Variants in FBXL17 observed in about 807,000 individuals in gnomAD.
FBXL17 encodes the protein F-box/LRR-repeat protein 17.
In FBXL17, 22 loss-of-function variants were observed where a neutral mutation model predicts 66.2. The ratio of observed to expected loss-of-function variants is 0.33; its 90% CI spans 0.24 to 0.47. The LOEUF (loss-of-function observed/expected upper bound fraction) is 0.47. Among genes scored for constraint, FBXL17 ranks in the 20% least tolerant of loss-of-function variants. The probability of loss-of-function intolerance (pLI) is 1.00; values close to 1 mark genes in which losing one functional copy is unlikely to be tolerated. For missense variants in FBXL17, 878 were observed against 948.2 expected (o/e 0.93, Z 0.97); for synonymous variants, 474 against 400.5 (o/e 1.18, Z -2.19).
At chr5:108,167,254 G>T (rs1043639878) in intron 6 of FBXL17, among the ~76,000 whole-genome samples, 2 of 152,204 alleles carry the variant, frequency 1.3e-5, no homozygotes, top group African/African-American at 2.4e-5. Context: ...TTTGATTTAA[G>T]ACCTTCACTG....
At chr5:108,245,598 A>G (rs1756058896) in intron 4 of FBXL17, among the ~76,000 whole-genome samples, 1 of 152,198 alleles carries the variant, frequency 6.6e-6, no homozygotes, top group African/African-American at 2.4e-5. Flanking sequence ...AAGGTTCTCC[A>G]ATAATGGGAA....
intron 5 of FBXL17, among the ~76,000 whole-genome samples, chr5:108,211,004 T>G (rs1273590859): frequency 1.3e-5 from 2 of 152,198 alleles, no homozygotes; most frequent in Non-Finnish European, 2.9e-5. Flanking sequence ...CTGTATTGGG[T>G]GCATATATAT....
chr5:107,929,384 C>T (rs1012811632), intron 7 of FBXL17, among the ~76,000 whole-genome samples: 13 of 152,210 alleles, frequency 8.5e-5, no homozygotes, highest in Middle Eastern at 3.4e-3. Flanking sequence ...GATAAATTAA[C>T]CTAAATGCTC....
intron 8 of FBXL17, chr5:107,879,699 G>A (rs1027280069): frequency 5.5e-5 from 54 of 985,328 alleles, no homozygotes; most frequent in South Asian, 4.2e-4. Context: ...TTTGAATGGC[G>A]TGTCTATTTA....
intron 7 of FBXL17, among the ~76,000 whole-genome samples, chr5:107,908,594 G>A (rs1749839832): frequency 6.6e-6 from 1 of 152,160 alleles, no homozygotes; most frequent in South Asian, 2.1e-4. Context: ...TTTATAGGTA[G>A]GGATAATCTC....
intron 6 of FBXL17, among the ~76,000 whole-genome samples, chr5:108,120,510 C>A (rs1284997628): frequency 6.6e-6 from 1 of 152,062 alleles, no homozygotes; most frequent in Non-Finnish European, 1.5e-5. Context: ...TTAATTGATA[C>A]AATTATGAGT....
At chr5:108,009,530 A>G (rs551282959) in intron 7 of FBXL17, among the ~76,000 whole-genome samples, 22 of 151,684 alleles carry the variant, frequency 1.5e-4, no homozygotes, top group Middle Eastern at 3.4e-3. Flanking sequence ...TGGATCAGCC[A>G]TGTCGACTCA....
intron 6 of FBXL17, among the ~76,000 whole-genome samples, chr5:108,028,662 C>T (rs288159): frequency 0.35 from 52,703 of 151,882 alleles, 9,426 homozygotes; most frequent in East Asian, 0.54. Context: ...ATGTTCAACA[C>T]AGACCTCCCA....
chr5:108,209,230 C>G (rs1754260621), intron 5 of FBXL17, among the ~76,000 whole-genome samples: 1 of 152,160 alleles, frequency 6.6e-6, no homozygotes, highest in African/African-American at 2.4e-5. Context: ...ATGGGGTTTT[C>G]TAAATACATA....
intron 4 of FBXL17, among the ~76,000 whole-genome samples, chr5:108,320,884 T>C (rs2150217972): frequency 6.6e-6 from 1 of 151,920 alleles, no homozygotes; most frequent in South Asian, 2.1e-4. Flanking sequence ...TGATTTTAAT[T>C]GGAAAAATCA....
chr5:108,032,041 G>T (rs1012330059), intron 6 of FBXL17, among the ~76,000 whole-genome samples: 3 of 151,936 alleles, frequency 2.0e-5, no homozygotes, highest in African/African-American at 7.3e-5. Context: ...TTAATTATTT[G>T]GATACAAAGA....
At chr5:108,288,984 A>T (rs1262827523) in intron 4 of FBXL17, among the ~76,000 whole-genome samples, 1 of 152,142 alleles carries the variant, frequency 6.6e-6, no homozygotes, top group East Asian at 1.9e-4. Flanking sequence ...AATGTTCACT[A>T]TTGATGCCAT....
At chr5:108,326,255 G>A in intron 4 of FBXL17, among the ~76,000 whole-genome samples, 1 of 151,820 alleles carries the variant, frequency 6.6e-6, no homozygotes, top group East Asian at 1.9e-4. Flanking sequence ...CAAAAATATA[G>A]AACTCTTATA....
At chr5:108,344,713 G>A (rs1747137915) in intron 4 of FBXL17, among the ~76,000 whole-genome samples, 1 of 152,176 alleles carries the variant, frequency 6.6e-6, no homozygotes, top group African/African-American at 2.4e-5. Context: ...AAAAAGTAGA[G>A]AAGCAGAATC....
At chr5:108,020,397 A>C (rs1335533760) in intron 7 of FBXL17, among the ~76,000 whole-genome samples, 1 of 151,976 alleles carries the variant, frequency 6.6e-6, no homozygotes, top group Non-Finnish European at 1.5e-5. Flanking sequence ...CTTTAAAAGA[A>C]TATTGAAATG....
chr5:107,939,846 G>A (rs151099666), intron 7 of FBXL17, among the ~76,000 whole-genome samples: 2 of 152,090 alleles, frequency 1.3e-5, no homozygotes, highest in Non-Finnish European at 2.9e-5. Flanking sequence ...AGAAGACCAG[G>A]AGGGCTCAGC....
At chr5:108,201,162 G>T (rs1355926697) in intron 5 of FBXL17, among the ~76,000 whole-genome samples, 1 of 152,076 alleles carries the variant, frequency 6.6e-6, no homozygotes, top group African/African-American at 2.4e-5. Context: ...AATTTATCTT[G>T]CTTTCAATAT....
intron 6 of FBXL17, among the ~76,000 whole-genome samples, chr5:108,050,939 T>G (rs1241386401): frequency 6.6e-6 from 1 of 152,034 alleles, no homozygotes; most frequent in Non-Finnish European, 1.5e-5. Flanking sequence ...CAAAATACTA[T>G]CAGAGAATAC....
rs1748121111 is a variant in FBXL17 at position 107,861,490 on chromosome 5, A to G, written c.*230T>C. On this transcript the variant is annotated 3_prime_UTR_variant, in exon 9 of 9. Transcript: ENST00000542267. ...GAAGCCTTTGAAGTTAAAAACTAAA[A>G]AGTTTGTGGCTTTCATAATCTTTAA... 2.9e-6 allele frequency: 1 copy of G among 347,796 alleles called. No individual in the cohort carries two copies. The highest frequency in any genetic ancestry group is 5.1e-6 in the Non-Finnish European group (1 of 197,682). The allele number at this position is 347,796 out of a possible 1,614,324, so 21.5% of individuals were successfully genotyped here.
Sources: allele counts gnomAD v4.1 joint callset (sites outside exome capture counted in the v4.1 genomes callset), GRCh38; gene constraint gnomAD v4.1.1; transcripts MANE v1.5; gene names NCBI Gene and HGNC (gene_info 2026-07-23, HGNC 2026-07-21).